Variants in TMEM63A observed in about 807,000 individuals in gnomAD.
TMEM63A encodes mechanosensitive cation channel TMEM63A.
A neutral mutation model predicts 100.6 loss-of-function variants in TMEM63A; 76 were observed. That is an observed-to-expected ratio of 0.76 (90% CI 0.63 to 0.91). TMEM63A has a LOEUF of 0.91. Among genes scored for constraint, TMEM63A ranks in the 40% least tolerant of loss-of-function variants. The pLI is 0.00. For synonymous variants in TMEM63A, 401 were observed against 401.1 expected, an observed-to-expected ratio of 1.00 and a Z score of 0.00; for missense variants, 876 against 1,008.8, an observed-to-expected ratio of 0.87 and a Z score of 1.78.
intron 10 of TMEM63A, among the ~76,000 whole-genome samples, chr1:225,863,755 A>T (rs959717254): frequency 1.3e-5 from 2 of 151,902 alleles, no homozygotes; most frequent in African/African-American, 4.8e-5. Flanking sequence ...TGTCTCTACT[A>T]AAAATACAAA....
intron 6 of TMEM63A, among the ~76,000 whole-genome samples, chr1:225,869,150 C>T (rs1670366824): frequency 6.6e-6 from 1 of 152,188 alleles, no homozygotes; most frequent in African/African-American, 2.4e-5. Flanking sequence ...CACCTGAGGG[C>T]AGGTCATGGA....
downstream of TMEM63A, among the ~76,000 whole-genome samples, chr1:225,844,316 C>T (rs555389676): frequency 6.6e-5 from 10 of 152,178 alleles, no homozygotes; most frequent in South Asian, 2.1e-4. Context: ...TAAATCCATG[C>T]GCTCCAGTCT....
chr1:225,853,535 CTAGTGGGGG>C lies in TMEM63A; in HGVS notation c.1797+85_1797+93del. 7.7e-7 allele frequency: 1 copy of C among 1,292,608 alleles called. No individual in the cohort carries two copies. The highest frequency in any genetic ancestry group is 1.0e-6 in the Non-Finnish European group (1 of 964,422). The allele number at this position is 1,292,608 out of a possible 1,614,324, so 80.1% of individuals were successfully genotyped here. On this transcript the variant is annotated intron_variant, in intron 19 of 24. Transcript: ENST00000366835. The surrounding 1 kb of genome is among the most constrained non-coding windows in gnomAD (Gnocchi z 4.0). ...TGGGTAGTCAGGTAAATGCTACCCA[CTAGTGGGGG>C]TAGTGGGGGTGAGAGGCCCTCGGGT...
downstream of TMEM63A, among the ~76,000 whole-genome samples, chr1:225,844,055 A>C (rs1162246846): frequency 6.6e-6 from 1 of 152,052 alleles, no homozygotes; most frequent in African/African-American, 2.4e-5. Flanking sequence ...TTCTCCACTT[A>C]ATAAGTAAAA....
chr1:225,868,331 G>A (rs1365365002), intron 6 of TMEM63A, among the ~76,000 whole-genome samples: 2 of 152,062 alleles, frequency 1.3e-5, no homozygotes, highest in African/African-American at 2.4e-5. Flanking sequence ...GGAAAGGTAC[G>A]TAAATACAGT....
At chr1:225,842,160 C>G (rs1005474591), downstream of TMEM63A, among the ~76,000 whole-genome samples, 1 of 152,226 alleles carries the variant, frequency 6.6e-6, no homozygotes, top group Non-Finnish European at 1.5e-5. Flanking sequence ...GGGAAGGTAT[C>G]GTCCCTGTTT....
In TMEM63A at chr1:225,862,656, A is replaced by G; in HGVS notation, c.828-78T>C. ...GGACCCCCATACCCACAGTTCAACC[A>G]TCGAACGCCAGGGGAGAAGGAGGGG... On this transcript the variant is annotated intron_variant, in intron 11 of 24. Coordinates refer to ENST00000366835, the MANE Select transcript of TMEM63A (RefSeq NM_014698.3). The surrounding 1 kb of genome is among the most constrained non-coding windows in gnomAD (Gnocchi z 5.1). The G allele has an allele frequency of 6.2e-7, 1 of 1,601,968 alleles. No individual in the cohort carries two copies. The highest frequency in any genetic ancestry group is 8.5e-7 in the Non-Finnish European group (1 of 1,172,340).
intron 3 of TMEM63A, 141 bp downstream of exon 3, chr1:225,877,254 A>T: frequency 1.1e-6 from 1 of 919,256 alleles, no homozygotes; most frequent in Non-Finnish European, 1.6e-6. Flanking sequence ...AACACGCCTA[A>T]GTCACAGAGC....
intron 10 of TMEM63A, chr1:225,864,371 C>T (rs1670094939): frequency 6.6e-6 from 1 of 152,176 alleles, no homozygotes; most frequent in South Asian, 2.1e-4. Flanking sequence ...TCAATAAGAG[C>T]TGTGAGGAAG....
downstream of TMEM63A, chr1:225,844,667 G>T: frequency 6.2e-7 from 1 of 1,611,026 alleles, no homozygotes; most frequent in Non-Finnish European, 8.5e-7. Context: ...GAGGCTGGAG[G>T]CAGGGGGACG....
chr1:225,875,965 C>T (rs1295001895), intron 3 of TMEM63A, among the ~76,000 whole-genome samples: 2 of 141,100 alleles, frequency 1.4e-5, no homozygotes, highest in Non-Finnish European at 3.0e-5. Flanking sequence ...ATGCAGGAGG[C>T]TGAGGTGGGA....
intron 20 of TMEM63A, among the ~76,000 whole-genome samples, 188 bp downstream of exon 20, chr1:225,852,476 G>A (rs1669394920): frequency 6.6e-6 from 1 of 152,176 alleles, no homozygotes; most frequent in Admixed American, 6.6e-5. Context: ...ATGAGACCCT[G>A]TCTCAAAACA....
In TMEM63A at chr1:225,882,341, G is replaced by C. The variant is rs1005639286; in HGVS notation, c.-243C>G. On this transcript the variant is annotated 5_prime_UTR_variant, in exon 1 of 25. Coordinates refer to ENST00000366835, the MANE Select transcript of TMEM63A (RefSeq NM_014698.3). ...CGTGTCTGGCGGGACCCAGCAGCGC[G>C]GGGCGTGTTCCGACCACTTAAAAGT... The C allele has an allele frequency of 6.5e-6, 1 of 152,792 alleles. No individual in the cohort carries two copies. 9.5% of individuals were successfully genotyped at this position (152,792 alleles called of 1,614,324 possible).
At position 225,872,065 on chromosome 1, in the gene TMEM63A, A is replaced by C; in HGVS notation, c.267-12T>G. ...GAAATCTGGACTCGCTAGAGACACA[A>C]AAAGAAAAAAAATGACAGATAATTC... On this transcript the variant is annotated splice_polypyrimidine_tract_variant and intron_variant, in intron 4 of 24. Transcript: ENST00000366835. 6.3e-7 allele frequency: 1 copy of C among 1,584,438 alleles called. No individual in the cohort carries two copies. The highest frequency in any genetic ancestry group is 1.4e-5 in the African/African-American group (1 of 73,458).
chr1:225,879,675 T>C (rs1481073371), intron 1 of TMEM63A, among the ~76,000 whole-genome samples: 2 of 152,166 alleles, frequency 1.3e-5, no homozygotes, highest in African/African-American at 4.8e-5. Context: ...TCTTTGCCAA[T>C]GGCTCAGGGA....
chr1:225,880,305 A>G (rs1671025405), intron 1 of TMEM63A, among the ~76,000 whole-genome samples: 1 of 152,064 alleles, frequency 6.6e-6, no homozygotes, highest in African/African-American at 2.4e-5. Context: ...TAAAGTCCAG[A>G]TCCCCCTGAA....
In TMEM63A at chr1:225,846,777, G is replaced by A. The variant is rs954683306; in HGVS notation, c.*162C>T. 1.9e-5 allele frequency: 7 copies of A among 377,982 alleles called. No homozygotes were observed. The highest frequency in any genetic ancestry group is 2.4e-5 in the Non-Finnish European group (5 of 211,828). 23.4% of individuals were successfully genotyped at this position (377,982 alleles called of 1,614,324 possible). On this transcript the variant is annotated 3_prime_UTR_variant, in exon 25 of 25. Transcript: ENST00000366835. ...GCCGGAGGGGAAACTGGGTGAGCAA[G>A]GGAGGGGCGAGGCCTGCCTGTGCTC...
chr1:225,880,992 G>A (rs575137556), intron 1 of TMEM63A, among the ~76,000 whole-genome samples: 1 of 152,356 alleles, frequency 6.6e-6, no homozygotes, highest in African/African-American at 2.4e-5. Flanking sequence ...GATGACAATA[G>A]CGAAACTACA....
Position 225,845,667 on chromosome 1 carries a change from T to G in TMEM63A, c.*1272A>C. ...CTTGCTGGCAGAGGCACGGGAGGCCTGCTGGGGATGAGGCCACTGGCCAGG... is the reference window on the plus strand; with the variant it reads ...CTTGCTGGCAGAGGCACGGGAGGCCGGCTGGGGATGAGGCCACTGGCCAGG... On this transcript the variant is annotated 3_prime_UTR_variant, in exon 25 of 25. Transcript: ENST00000366835. 2.2e-6 allele frequency: 1 copy of G among 452,316 alleles called. No individual in the cohort carries two copies. The highest frequency in any genetic ancestry group is 4.1e-6 in the Non-Finnish European group (1 of 244,094). The allele number at this position is 452,316 out of a possible 1,614,324, so 28.0% of individuals were successfully genotyped here.
Sources: allele counts gnomAD v4.1 joint callset (sites outside exome capture counted in the v4.1 genomes callset), GRCh38; gene constraint gnomAD v4.1.1; non-coding constraint Gnocchi (gnomAD v3.1); transcripts MANE v1.5; gene names NCBI Gene and HGNC (gene_info 2026-07-23, HGNC 2026-07-21).